OPA3: variants seen among roughly 807,000 people sequenced by gnomAD.
The protein encoded by OPA3 is outer mitochondrial membrane lipid metabolism regulator OPA3, also known as optic atrophy 3 protein.
A neutral mutation model predicts 4.0 loss-of-function variants in OPA3; 6 were observed. The ratio of observed to expected loss-of-function variants is 1.51; its 90% confidence interval spans 0.83 to 2.99. OPA3 has a LOEUF of 2.99. OPA3 is among the 30% of genes most tolerant of loss of function. The probability of loss-of-function intolerance (pLI) is 0.00; values close to 1 mark genes in which losing one functional copy is unlikely to be tolerated. For synonymous variants in OPA3, 105 were observed against 117.1 expected, an observed-to-expected ratio of 0.90 and a Z score of 0.67; for missense variants, 235 against 256.2, an observed-to-expected ratio of 0.92 and a Z score of 0.56.
At chr19:45,529,406 C>T (rs1599947327) in exon 2 of OPA3, 3 of 1,614,182 alleles carry the variant, frequency 1.9e-6, no homozygotes, top group East Asian at 2.2e-5. Context: ...ATGGCAGCGG[C>T]ATTGAAACCC....
At position 45,533,151 on chromosome 19, in the gene OPA3, A is replaced by G. The variant is rs1028302950; in HGVS notation, c.143-3695T>C. 9.2e-5 allele frequency among the ~76,000 whole-genome samples: 14 copies of G among 151,584 alleles called. No individual in the cohort carries two copies. In the East Asian group the frequency reaches 1.7e-3, roughly 19 times the overall value. ...AATGATCCACCTGCCTTGGCCTCCC[A>G]AAGTGCTGAGATTACAGGCATGAGC... is the stretch of plus-strand genomic sequence containing the variant. On this transcript the variant is annotated intron_variant, in intron 1 of 1. Transcript: ENST00000323060.
At chr19:45,536,537 A>C (rs977363385) in intron 1 of OPA3, among the ~76,000 whole-genome samples, 1 of 148,860 alleles carries the variant, frequency 6.7e-6, no homozygotes, top group East Asian at 2.0e-4. Context: ...GACAAGAGTG[A>C]AACTCTGTCT....
At chr19:45,530,987 A>G (rs1382370891) in intron 1 of OPA3, among the ~76,000 whole-genome samples, 2 of 111,222 alleles carry the variant, frequency 1.8e-5, no homozygotes, top group Non-Finnish European at 3.3e-5. Context: ...ACAGGGTTTC[A>G]CTACGTTGGT....
intron 1 of OPA3, among the ~76,000 whole-genome samples, chr19:45,580,142 G>A (rs527518567): frequency 2.0e-4 from 26 of 131,094 alleles, no homozygotes; most frequent in South Asian, 2.5e-4. Context: ...GATTACAGGC[G>A]CGTGCCACCA....
chr19:45,553,784 G>A lies in OPA3; in HGVS notation c.270C>T (p.Phe90=). The A allele has an allele frequency of 2.5e-6, 4 of 1,613,258 alleles. No individual in the cohort carries two copies. Among genetic ancestry groups the A allele is most frequent in the Non-Finnish European group, 3.4e-6 (4 of 1,179,886 alleles). Residue 90 remains phenylalanine (F), a synonymous_variant, in exon 2 of 2, where the codon TTC becomes TTT. Coordinates refer to ENST00000263275, the MANE Select transcript of OPA3 (RefSeq NM_025136.4). ...GCACTAGGCAGCCGCCGCCCACGAT[G>A]AAGATGGTGGCTTCGCCCAGCAGCT... ...GAELLGEATI[F]IVGGGCLVLE... is the part of the protein sequence containing the mutation.
At chr19:45,542,448 T>C (rs1196353292), downstream of OPA3, among the ~76,000 whole-genome samples, 1 of 152,218 alleles carries the variant, frequency 6.6e-6, no homozygotes, top group Non-Finnish European at 1.5e-5. Flanking sequence ...GTGGTAGAGC[T>C]TTCTGCTCCT....
At chr19:45,579,939 G>A (rs1204202939) in intron 1 of OPA3, among the ~76,000 whole-genome samples, 2 of 151,772 alleles carry the variant, frequency 1.3e-5, no homozygotes, top group African/African-American at 4.8e-5. Flanking sequence ...TCACCAGTCT[G>A]GGTAGGGATT....
chr19:45,550,403 T>TGCC lies in OPA3; in HGVS notation c.*3110_*3111insGGC, dbSNP rs1969314983. The TGCC allele has an allele frequency of 2.0e-6, 2 of 984,598 alleles. No homozygotes were observed. The highest frequency in any genetic ancestry group is 3.5e-5 in the African/African-American group (2 of 56,844). 61.0% of individuals were successfully genotyped at this position (984,598 alleles called of 1,614,324 possible). On this transcript the variant is annotated 3_prime_UTR_variant, in exon 2 of 2. Transcript: ENST00000263275. ...GATCTCTGGTGTGATCTGGGGCTGCTCTGAGAGGGGATAGAGAGGGTCTCC... is the reference window on the plus strand; with the variant it reads ...GATCTCTGGTGTGATCTGGGGCTGCTGCCCTGAGAGGGGATAGAGAGGGTCTCC...
rs886054528 is a variant in OPA3 at position 45,550,969 on chromosome 19, C to T, written c.*2545G>A. ...CGGGGTTGGCAGGAGTCCCAGGGTA[C>T]TTTTTTTCTGAGAAAGGGTCTCACT... On this transcript the variant is annotated 3_prime_UTR_variant, in exon 2 of 2. Transcript: ENST00000263275. 16 of 985,340 alleles carry T rather than the reference C, an allele frequency of 1.6e-5. No individual in the cohort carries two copies. The highest frequency in any genetic ancestry group is 2.3e-4 in the East Asian group (2 of 8,814). 61.0% of individuals were successfully genotyped at this position (985,340 alleles called of 1,614,324 possible). A position where few individuals can be genotyped will look rare whatever the true frequency, so the allele number is the denominator to read the frequency against.
chr19:45,567,864 G>A (rs752420135), intron 1 of OPA3, among the ~76,000 whole-genome samples: 19 of 152,092 alleles, frequency 1.2e-4, no homozygotes, highest in Non-Finnish European at 2.4e-4. Context: ...TGAGATAATG[G>A]AAAGCATATT....
In OPA3 at chr19:45,549,867, G is replaced by A; in HGVS notation, c.*3647C>T. On this transcript the variant is annotated 3_prime_UTR_variant, in exon 2 of 2. Coordinates refer to ENST00000263275, the MANE Select transcript of OPA3 (RefSeq NM_025136.4). ...CCCCTCTTCCAGAAGGAACTGAAAT[G>A]CTGTTTCAGGCCAGGCGCGGTGGCT... 3.0e-6 allele frequency: 3 copies of A among 985,510 alleles called. No individual in the cohort carries two copies. The highest frequency in any genetic ancestry group is 1.7e-5 in the African/African-American group (1 of 57,318). 61.0% of individuals were successfully genotyped at this position (985,510 alleles called of 1,614,324 possible). A position where few individuals can be genotyped will look rare whatever the true frequency, so the allele number is the denominator to read the frequency against.
chr19:45,534,853 G>T (rs1352915055), intron 1 of OPA3, among the ~76,000 whole-genome samples: 1 of 151,972 alleles, frequency 6.6e-6, no homozygotes, highest in Non-Finnish European at 1.5e-5. Context: ...GGCTGGTCTT[G>T]AACTCCTGAC....
chr19:45,555,305 GA>G lies in OPA3; in HGVS notation c.143-1395del, dbSNP rs1162500820. 6.6e-5 allele frequency among the ~76,000 whole-genome samples: 10 copies of G among 152,204 alleles called. No homozygotes were observed. In the East Asian group the frequency reaches 1.9e-3, roughly 29 times the overall value. ...GTACATGAACAAAAAGAAACCATGT[GA>G]AATTTCTGACTGAAAAAGAAGAGCT... On this transcript the variant is annotated intron_variant, in intron 1 of 1. Transcript: ENST00000263275.
intron 1 of OPA3, among the ~76,000 whole-genome samples, chr19:45,538,655 G>A (rs530216867): frequency 7.9e-5 from 12 of 151,754 alleles, no homozygotes; most frequent in East Asian, 3.9e-4. Context: ...CCTGGGAGGC[G>A]GAGGTTGCAG....
chr19:45,542,809 G>A (rs1263099885), downstream of OPA3, among the ~76,000 whole-genome samples: 3 of 151,744 alleles, frequency 2.0e-5, no homozygotes, highest in Middle Eastern at 3.2e-3. Flanking sequence ...GAGTAGCTGG[G>A]ACTACAGGCA....
chr19:45,534,560 C>CAAA (rs71173177), intron 1 of OPA3, among the ~76,000 whole-genome samples: 6,615 of 52,838 alleles, frequency 0.13, 219 homozygotes, highest in African/African-American at 0.21. Context: ...AACTCTGTCC[C>CAAA]AAAAAAAAAA....
In OPA3 at chr19:45,546,357, G is replaced by T; in HGVS notation, c.*7157C>A. 3.0e-6 allele frequency: 2 copies of T among 675,942 alleles called. No individual in the cohort carries two copies. Among genetic ancestry groups the T allele is most frequent in the Non-Finnish European group, 3.6e-6 (2 of 548,264 alleles). The allele number at this position is 675,942 out of a possible 1,614,324, so 41.9% of individuals were successfully genotyped here. On this transcript the variant is annotated 3_prime_UTR_variant, in exon 2 of 2. Transcript: ENST00000263275. ...ACATACACTACATATAATAGATGAT[G>T]TTATGTTACACATGACATAAAATAT...
At chr19:45,544,268 T>C (rs553970065), downstream of OPA3, among the ~76,000 whole-genome samples, 6 of 152,292 alleles carry the variant, frequency 3.9e-5, no homozygotes, top group South Asian at 4.1e-4. Flanking sequence ...GCCCTATTCA[T>C]AGCCACCACG....
intron 1 of OPA3, among the ~76,000 whole-genome samples, chr19:45,555,225 C>T (rs915568024): frequency 4.0e-5 from 6 of 151,896 alleles, no homozygotes; most frequent in African/African-American, 7.3e-5. Context: ...TTTTGGTTGC[C>T]GACATATAAA....
Sources: allele counts gnomAD v4.1 joint callset (sites outside exome capture counted in the v4.1 genomes callset), GRCh38; gene constraint gnomAD v4.1.1; transcripts MANE v1.5; gene names NCBI Gene and HGNC (gene_info 2026-07-23, HGNC 2026-07-21).